Variants in ANKRD52 observed in about 807,000 individuals in gnomAD.
ANKRD52 encodes ankyrin repeat domain 52.
In ANKRD52, 7 loss-of-function variants were observed where a neutral mutation model predicts 116.0. The ratio of observed to expected loss-of-function variants is 0.06; its 90% CI spans 0.03 to 0.11. The LOEUF (loss-of-function observed/expected upper bound fraction) is 0.11. Ranked by LOEUF, ANKRD52 falls within the 10% of genes least tolerant of loss-of-function variation. The pLI is 1.00. For synonymous variants in ANKRD52, 528 were observed against 578.1 expected, an observed-to-expected ratio of 0.91 and a Z score of 1.24; for missense variants, 839 against 1,408.6, an observed-to-expected ratio of 0.60 and a Z score of 6.47.
At position 56,252,907 on chromosome 12, in the gene ANKRD52, C is replaced by A; in HGVS notation, c.1184-10G>T. 6.2e-7 allele frequency: 1 copy of A among 1,612,640 alleles called. No homozygotes were observed. The highest frequency in any genetic ancestry group is 8.5e-7 in the Non-Finnish European group (1 of 1,179,254). On this transcript the variant is annotated splice_polypyrimidine_tract_variant and intron_variant, in intron 11 of 27. Transcript: ENST00000267116. The surrounding 1 kb of genome is among the most constrained non-coding windows in gnomAD (Gnocchi z 4.7). ...ATGCTGTACAACTGACCTGGAGGCA[C>A]AGAACAGCCACAGGTCACATCTGAG... is the stretch of plus-strand genomic sequence containing the variant.
Position 56,254,793 on chromosome 12 carries a change from C to T in ANKRD52, c.550+72G>A. On this transcript the variant is annotated intron_variant, in intron 6 of 27. Coordinates refer to ENST00000267116, the MANE Select transcript of ANKRD52 (RefSeq NM_173595.4). The surrounding 1 kb of genome is among the most constrained non-coding windows in gnomAD (Gnocchi z 4.6). ...GACCCTACACTCCTCTCTTCAAAGG[C>T]TGCAACCCCACATCCCTGCCCTAGG... The T allele has an allele frequency of 6.2e-7, 1 of 1,600,126 alleles. No individual in the cohort carries two copies. Among genetic ancestry groups the T allele is most frequent in the East Asian group, 2.2e-5 (1 of 44,468 alleles).
chr12:56,244,038 C>A lies in ANKRD52; in HGVS notation c.2888+13G>T. The A allele has an allele frequency of 6.2e-7, 1 of 1,613,612 alleles. No homozygotes were observed. The highest frequency in any genetic ancestry group is 8.5e-7 in the Non-Finnish European group (1 of 1,179,792). On this transcript the variant is annotated intron_variant, in intron 26 of 27. Transcript: ENST00000267116. This position sits in a 1 kb window ranked among gnomAD's most constrained non-coding sequence, Gnocchi z 4.9. ...CCTCCCCCAGCCAGGAGCCCCCTTC[C>A]CCAGGCACTCACATCTGCAGCGCAC...
In ANKRD52 at chr12:56,254,313, A is replaced by T. The variant is rs1421422174; in HGVS notation, c.694-34T>A. 6.3e-6 allele frequency: 10 copies of T among 1,598,062 alleles called. No individual in the cohort carries two copies. The Admixed American group carries it at 1.7e-4, about 27-fold the overall frequency. ...TCAGGGGTGAGAGTAAGGTGGTATC[A>T]GTTTAAACAAAGTAGAAGCCAGCAC... On this transcript the variant is annotated intron_variant, in intron 7 of 27. Coordinates refer to ENST00000267116, the MANE Select transcript of ANKRD52 (RefSeq NM_173595.4). The surrounding 1 kb of genome is among the most constrained non-coding windows in gnomAD (Gnocchi z 4.6).
intron 3 of ANKRD52, 78 bp downstream of exon 3, chr12:56,257,205 C>A (rs1871995602): frequency 6.5e-7 from 1 of 1,541,288 alleles, no homozygotes; most frequent in Non-Finnish European, 8.8e-7. Context: ...CCGGGGAGAG[C>A]AATCCTTGAA....
Position 56,254,950 on chromosome 12 carries a change from C to G in ANKRD52, c.465G>C (p.Thr155=). 6.2e-7 allele frequency: 1 copy of G among 1,612,344 alleles called. No individual in the cohort carries two copies. Among genetic ancestry groups the G allele is most frequent in the Non-Finnish European group, 8.5e-7 (1 of 1,178,504 alleles). The change falls in exon 6 of 28, where the codon ACG becomes ACC. Residue 155 remains threonine, a splice_region_variant and synonymous_variant. Transcript: ENST00000267116. This position sits in a 1 kb window ranked among gnomAD's most constrained non-coding sequence, Gnocchi z 4.6. ...CTCCCTTGTTGAGGAGCAGGTTCAC[C>G]GTCTGCATCAGGATATGAAAGACAC... is the stretch of plus-strand genomic sequence containing the variant. ...HHAVHSGHLE[T]VNLLLNKGAS...
At position 56,255,976 on chromosome 12, in the gene ANKRD52, C is replaced by G. The variant is rs1871934501; in HGVS notation, c.270G>C (p.Leu90=). 1 of 1,566,578 alleles carries G rather than the reference C, an allele frequency of 6.4e-7. No homozygotes were observed. Among genetic ancestry groups the G allele is most frequent in the Admixed American group, 1.9e-5 (1 of 53,984 alleles). Residue 90 remains leucine (L), a synonymous_variant, in exon 5 of 28, where the codon CTG becomes CTC. Transcript: ENST00000267116. This position sits in a 1 kb window ranked among gnomAD's most constrained non-coding sequence, Gnocchi z 4.3. ...CTGCTGAATGTGCCAGCAGCAGCCC[C>G]AGCACCTTCTGTTGAGGGGCAGGGG... ...RAAASRNEKV[L]GLLLAHSADV...
Position 56,241,824 on chromosome 12 carries a change from T to C in ANKRD52, c.*1318A>G, listed in dbSNP as rs111313177. The C allele has an allele frequency of 2.3e-5, 9 of 396,972 alleles. 1 individual carries two copies. Among genetic ancestry groups the C allele is most frequent in the African/African-American group, 1.8e-4 (9 of 48,728 alleles). The allele number at this position is 396,972 out of a possible 1,614,324, so 24.6% of individuals were successfully genotyped here. ...CATTTAGAGAGAAAACTGCCCCCTC[T>C]TCACTCCAGCCCAGTTTGGCTTTTG... On this transcript the variant is annotated 3_prime_UTR_variant, in exon 28 of 28. Transcript: ENST00000267116.
Position 56,248,716 on chromosome 12 carries a change from C to T in ANKRD52, c.1704+43G>A. Reference sequence around the variant, plus strand: ...TTTTGGAATCCACAAACCCTGTGCCCTGCCCCTGCCTCCCCTCCTGCAGGC... The same window carrying T: ...TTTTGGAATCCACAAACCCTGTGCCTTGCCCCTGCCTCCCCTCCTGCAGGC... On this transcript the variant is annotated intron_variant, in intron 16 of 27. Coordinates refer to ENST00000267116, the MANE Select transcript of ANKRD52 (RefSeq NM_173595.4). The surrounding 1 kb of genome is among the most constrained non-coding windows in gnomAD (Gnocchi z 5.1). 3.9e-6 allele frequency: 6 copies of T among 1,552,010 alleles called. No homozygotes were observed. Among genetic ancestry groups the T allele is most frequent in the Non-Finnish European group, 4.4e-6 (5 of 1,137,462 alleles).
At position 56,241,269 on chromosome 12, in the gene ANKRD52, T is replaced by G. The variant is rs1871157073; in HGVS notation, c.*1873A>C. On this transcript the variant is annotated 3_prime_UTR_variant, in exon 28 of 28. Transcript: ENST00000267116. The stretch of plus-strand genomic sequence containing the variant: ...CTTGAAATGATTTAGGAACTGAGGG[T>G]TGGGAGAAGCAAAACACAGAGAGAC... The G allele has an allele frequency of 6.6e-6, 1 of 151,708 alleles. No homozygotes were observed. The highest frequency in any genetic ancestry group is 6.6e-5 in the Admixed American group (1 of 15,234). The allele number at this position is 151,708 out of a possible 1,614,324, so 9.4% of individuals were successfully genotyped here. A position where few individuals can be genotyped will look rare whatever the true frequency, so the allele number is the denominator to read the frequency against.
intron 15 of ANKRD52, among the ~76,000 whole-genome samples, chr12:56,249,390 A>C (rs1237527719): frequency 6.6e-6 from 1 of 152,162 alleles, no homozygotes; most frequent in Non-Finnish European, 1.5e-5. Flanking sequence ...ATAAAGTAGC[A>C]CTTACTGTCA....
chr12:56,252,486 C>T lies in ANKRD52; in HGVS notation c.1370+16G>A, dbSNP rs1357804455. 6.2e-7 allele frequency: 1 copy of T among 1,611,636 alleles called. No homozygotes were observed. The highest frequency in any genetic ancestry group is 2.2e-5 in the East Asian group (1 of 44,880). The stretch of plus-strand genomic sequence containing the variant: ...AATCAGATATTCCCTATGTTTACCC[C>T]TGCATATTAGCATACCTGCCAAATT... On this transcript the variant is annotated intron_variant, in intron 13 of 27. Transcript: ENST00000267116. This position sits in a 1 kb window ranked among gnomAD's most constrained non-coding sequence, Gnocchi z 4.7.
chr12:56,251,964 G>T, intron 15 of ANKRD52, 51 bp downstream of exon 15: 1 of 1,581,418 alleles, frequency 6.3e-7, no homozygotes, highest in Non-Finnish European at 8.7e-7. Context: ...TAGGGCCAGA[G>T]CTTGCATGGG....
At position 56,252,107 on chromosome 12, in the gene ANKRD52, A is replaced by C; in HGVS notation, c.1512-12T>G. 6.2e-7 allele frequency: 1 copy of C among 1,613,752 alleles called. No homozygotes were observed. On this transcript the variant is annotated splice_polypyrimidine_tract_variant and intron_variant, in intron 14 of 27. Transcript: ENST00000267116. This position sits in a 1 kb window ranked among gnomAD's most constrained non-coding sequence, Gnocchi z 4.7. The stretch of plus-strand genomic sequence containing the variant: ...TATGGGGTTCCGCTCTGGGGAAGAG[A>C]GAGAGAAAGTTAGGGCCAGGCTCAG...
rs746635904 is a variant in ANKRD52, at chr12:56,252,172, C to T, written c.1511+3G>A. Reference sequence around the variant, plus strand: ...CTGAGAAGGACCAGACTGGTAGCCTCACCTCCTGTAAGTGTCAGAAGCGGC... The same window carrying T: ...CTGAGAAGGACCAGACTGGTAGCCTTACCTCCTGTAAGTGTCAGAAGCGGC... On this transcript the variant is annotated splice_donor_region_variant and intron_variant, in intron 14 of 27. Coordinates refer to ENST00000267116, the MANE Select transcript of ANKRD52 (RefSeq NM_173595.4). The surrounding 1 kb of genome is among the most constrained non-coding windows in gnomAD (Gnocchi z 4.7). The T allele has an allele frequency of 8.7e-6, 14 of 1,613,866 alleles. No homozygotes were observed. Among genetic ancestry groups the T allele is most frequent in the Middle Eastern group, 1.6e-4 (1 of 6,084 alleles).
chr12:56,253,599 A>G lies in ANKRD52; in HGVS notation c.985+123T>C. On this transcript the variant is annotated intron_variant, in intron 9 of 27. Transcript: ENST00000267116. The surrounding 1 kb of genome is among the most constrained non-coding windows in gnomAD (Gnocchi z 5.5). ...CCATTTCCACAGGTCCCTTGGTCAG[A>G]GTTCCAAGGGCCTATCCTACTGGAA... is the stretch of plus-strand genomic sequence containing the variant. The G allele has an allele frequency of 1.8e-6, 2 of 1,120,136 alleles. No homozygotes were observed. Among genetic ancestry groups the G allele is most frequent in the Non-Finnish European group, 2.6e-6 (2 of 772,886 alleles). The allele number at this position is 1,120,136 out of a possible 1,614,324, so 69.4% of individuals were successfully genotyped here. A position where few individuals can be genotyped will look rare whatever the true frequency, so the allele number is the denominator to read the frequency against.
chr12:56,254,682 C>A lies in ANKRD52; in HGVS notation c.589G>T (p.Ala197Ser), dbSNP rs1323898766. ...EVLKLLVARG[A>S]DLGCKDRKGY... ...TTGCGGTCCTTGCAGCCGAGGTCTG[C>A]TCCCCGTGCCACCAGCAGTTTTAGG... Residue 197 changes from alanine to serine, a missense_variant, in exon 7 of 28, where the codon GCA (alanine) becomes TCA (serine). By Grantham distance (99) the Ala-to-Ser change is moderately conservative. Transcript: ENST00000267116. This position sits in a 1 kb window ranked among gnomAD's most constrained non-coding sequence, Gnocchi z 4.6. 3.1e-6 allele frequency: 5 copies of A among 1,613,040 alleles called. No homozygotes were observed. The highest frequency in any genetic ancestry group is 4.2e-6 in the Non-Finnish European group (5 of 1,179,222).
chr12:56,244,631 C>G lies in ANKRD52; in HGVS notation c.2722+21G>C. 2 of 1,612,896 alleles carry G rather than the reference C, an allele frequency of 1.2e-6. No individual in the cohort carries two copies. The highest frequency in any genetic ancestry group is 2.2e-5 in the South Asian group (2 of 91,018). On this transcript the variant is annotated intron_variant, in intron 24 of 27. Coordinates refer to ENST00000267116, the MANE Select transcript of ANKRD52 (RefSeq NM_173595.4). The surrounding 1 kb of genome is among the most constrained non-coding windows in gnomAD (Gnocchi z 4.9). ...AATGCCCCAGGGGAGCTCCTCCCTT[C>G]CACAAGTGGCCCCTACACACCCACA...
intron 20 of ANKRD52, 30 bp from the exon 21 acceptor site, chr12:56,245,626 T>A (rs771965955): frequency 6.3e-7 from 1 of 1,591,394 alleles, no homozygotes; most frequent in East Asian, 2.2e-5. Flanking sequence ...GTGAGGGGGA[T>A]GAAAAGCTCC....
chr12:56,252,901 GA>G lies in ANKRD52; in HGVS notation c.1184-5del, dbSNP rs749155769. 1.9e-6 allele frequency: 3 copies of G among 1,613,386 alleles called. No homozygotes were observed. In the South Asian group the frequency reaches 3.3e-5, roughly 18 times the overall value. Reference sequence around the variant, plus strand: ...GACACAATGCTGTACAACTGACCTGGAGGCACAGAACAGCCACAGGTCACAT... The same window carrying G: ...GACACAATGCTGTACAACTGACCTGGGGCACAGAACAGCCACAGGTCACAT... On this transcript the variant is annotated splice_region_variant and splice_polypyrimidine_tract_variant and intron_variant, in intron 11 of 27. Coordinates refer to ENST00000267116, the MANE Select transcript of ANKRD52 (RefSeq NM_173595.4). The surrounding 1 kb of genome is among the most constrained non-coding windows in gnomAD (Gnocchi z 4.7).
Sources: allele counts gnomAD v4.1 joint callset (sites outside exome capture counted in the v4.1 genomes callset), GRCh38; gene constraint gnomAD v4.1.1; non-coding constraint Gnocchi (gnomAD v3.1); transcripts MANE v1.5; gene names NCBI Gene and HGNC (gene_info 2026-07-23, HGNC 2026-07-21).